Variants in ST6GAL2 observed in about 807,000 individuals in gnomAD.
ST6GAL2 encodes beta-galactoside alpha-2,6-sialyltransferase 2.
Under a neutral mutation model 37.5 loss-of-function variants are expected in ST6GAL2, and 24 were observed. The observed-to-expected ratio is 0.64, with a 90% CI of 0.46 to 0.90. The LOEUF (loss-of-function observed/expected upper bound fraction) is 0.90, where lower values mean the gene tolerates loss of function less well. ST6GAL2 is among the 40% of genes least tolerant of loss of function. ST6GAL2 has a pLI of 0.00. For synonymous variants in ST6GAL2, 306 were observed against 295.1 expected (o/e 1.04, Z -0.38); for missense variants, 715 against 712.7 (o/e 1.00, Z -0.04).
In ST6GAL2 at chr2:106,843,558, C is replaced by A. The variant is rs1677011933; in HGVS notation, c.420G>T (p.Trp140Cys). The A allele has an allele frequency of 6.2e-7, 1 of 1,613,980 alleles. No homozygotes were observed. The change falls in exon 2 of 6, where the codon TGG becomes TGT. Residue 140 changes from tryptophan (W) to cysteine (C), a missense_variant. This residue lies in a region of ST6GAL2 where 512 missense variants were observed against 488.8 expected (regional missense o/e 1.05). Transcript: ENST00000409382. ...CCAATGTCCCCTGAGTGTGGCTGTG[C>A]CACCCTGGCTGACCAGCAGCAAAAA... ...DYFFAAGQPG[W>C]HSHTQGTLGF...
chr2:106,845,917 G>A (rs1262527882), intron 1 of ST6GAL2, among the ~76,000 whole-genome samples: 4 of 152,108 alleles, frequency 2.6e-5, no homozygotes, highest in Non-Finnish European at 5.9e-5. Context: ...CATTCACTCT[G>A]GGGGAAGCCA....
chr2:106,825,358 A>G lies in ST6GAL2; in HGVS notation c.1318+4708T>C, dbSNP rs80199988. Among the ~76,000 whole-genome samples, 955 of 152,340 alleles carry G rather than the reference A, an allele frequency of 6.3e-3. 5 individuals are homozygous for G. Among genetic ancestry groups the G allele is most frequent in the African/African-American group, 0.022 (928 of 41,586 alleles). On this transcript the variant is annotated intron_variant, in intron 5 of 5. Transcript: ENST00000409382. The stretch of plus-strand genomic sequence containing the variant: ...TTGTGCTCAGCTATGCAAGTGAGTC[A>G]TCTTGGAAACACATTATCCAGCCTG...
Position 106,844,029 on chromosome 2 carries a change from ATG to A in ST6GAL2, c.-54_-53del. ...TGTCTTAATGCAGATGGGTGGCAGA[ATG>A]AACCTGAAAAACAGCCAGATGGCAG... On this transcript the variant is annotated 5_prime_UTR_variant, in exon 2 of 6. Transcript: ENST00000409382. The A allele has an allele frequency of 6.8e-7, 1 of 1,460,064 alleles. No homozygotes were observed. Among genetic ancestry groups the A allele is most frequent in the Admixed American group, 2.1e-5 (1 of 46,930 alleles). The allele number at this position is 1,460,064 out of a possible 1,614,324, so 90.4% of individuals were successfully genotyped here.
chr2:106,853,061 A>T (rs1446413770), intron 1 of ST6GAL2, among the ~76,000 whole-genome samples: 2 of 152,166 alleles, frequency 1.3e-5, no homozygotes, highest in Non-Finnish European at 2.9e-5. Context: ...AGCCAGAAAA[A>T]ATTGCTGGGG....
At chr2:106,887,072 G>C (rs1233145152), upstream of ST6GAL2, 1 of 152,484 alleles carries the variant, frequency 6.6e-6, no homozygotes, top group Non-Finnish European at 1.5e-5. Context: ...GGCTGTGGGC[G>C]GCCAGGAGGG....
chr2:106,815,018 T>A (rs965184681), intron 5 of ST6GAL2, among the ~76,000 whole-genome samples: 1 of 152,210 alleles, frequency 6.6e-6, no homozygotes, highest in African/African-American at 2.4e-5. Flanking sequence ...TTACCCTGAT[T>A]CATGTTACAT....
Position 106,884,934 on chromosome 2 carries a change from T to TATACAC in ST6GAL2, c.-58+1158_-58+1159insGTGTAT, listed in dbSNP as rs1425070594. ...ATATATATATATATATATATATATA[T>TATACAC]ACATACACACACACACATATATACA... On this transcript the variant is annotated intron_variant, in intron 1 of 5. Coordinates refer to ENST00000409382, the MANE Select transcript of ST6GAL2 (RefSeq NM_001142351.2). Among the ~76,000 whole-genome samples, 77 of 120,456 alleles carry TATACAC rather than the reference T, an allele frequency of 6.4e-4. 1 individual carries two copies. Among genetic ancestry groups the TATACAC allele is most frequent in the African/African-American group, 2.3e-3 (66 of 28,158 alleles). The allele number at this position is 120,456 out of a possible 152,430, so 79.0% of individuals were successfully genotyped here.
chr2:106,837,730 ATTAT>A (rs1676706336), intron 2 of ST6GAL2, among the ~76,000 whole-genome samples: 1 of 152,198 alleles, frequency 6.6e-6, no homozygotes. Context: ...GTGCATTTCT[ATTAT>A]TTGACTAATA....
At chr2:106,857,566 T>C (rs1677626851) in intron 1 of ST6GAL2, among the ~76,000 whole-genome samples, 1 of 152,150 alleles carries the variant, frequency 6.6e-6, no homozygotes, top group African/African-American at 2.4e-5. Context: ...ATTGTGCCAC[T>C]GCACTCCAGC....
chr2:106,860,756 A>G (rs1677766340), intron 1 of ST6GAL2, among the ~76,000 whole-genome samples: 1 of 152,188 alleles, frequency 6.6e-6, no homozygotes, highest in Admixed American at 6.5e-5. Flanking sequence ...ATAAGGTGCA[A>G]TGGGCTTCAG....
intron 1 of ST6GAL2, among the ~76,000 whole-genome samples, chr2:106,867,871 T>A (rs904931009): frequency 6.6e-6 from 1 of 152,106 alleles, no homozygotes; most frequent in African/African-American, 2.4e-5. Context: ...TCCAGGACTT[T>A]CTTTCTTTTC....
At chr2:106,854,844 C>G (rs944980629) in intron 1 of ST6GAL2, among the ~76,000 whole-genome samples, 3 of 151,018 alleles carry the variant, frequency 2.0e-5, no homozygotes, top group Admixed American at 1.3e-4. Flanking sequence ...GAAGTATTCT[C>G]TCATGTTTTC....
intron 1 of ST6GAL2, among the ~76,000 whole-genome samples, chr2:106,845,495 A>G (rs997709215): frequency 2.6e-5 from 4 of 152,176 alleles, no homozygotes; most frequent in African/African-American, 7.2e-5. Flanking sequence ...TGCCAGGGGA[A>G]ATGTGTGACC....
chr2:106,886,899 G>C (rs572358726), upstream of ST6GAL2: 3 of 152,426 alleles, frequency 2.0e-5, no homozygotes, highest in Admixed American at 6.5e-5. Context: ...GGCGGTGCGG[G>C]GCAGCACGGC....
chr2:106,880,681 C>T (rs1678713492), intron 1 of ST6GAL2, among the ~76,000 whole-genome samples: 1 of 152,154 alleles, frequency 6.6e-6, no homozygotes, highest in Non-Finnish European at 1.5e-5. Flanking sequence ...TCTCACAAGC[C>T]ATGTAATTTG....
intron 1 of ST6GAL2, among the ~76,000 whole-genome samples, chr2:106,880,058 AT>A (rs1678685453): frequency 6.6e-6 from 1 of 151,032 alleles, no homozygotes; most frequent in Non-Finnish European, 1.5e-5. Flanking sequence ...TAGACCAATT[AT>A]ATACATATCT....
At chr2:106,808,520 T>C (rs2104411346) in intron 5 of ST6GAL2, among the ~76,000 whole-genome samples, 1 of 152,282 alleles carries the variant, frequency 6.6e-6, no homozygotes, top group Middle Eastern at 3.4e-3. Context: ...CTCTACCAGT[T>C]TCCTTCCTTC....
chr2:106,852,014 C>T (rs1017915393), intron 1 of ST6GAL2, among the ~76,000 whole-genome samples: 1 of 152,128 alleles, frequency 6.6e-6, no homozygotes, highest in Non-Finnish European at 1.5e-5. Context: ...CTCTTAACAC[C>T]CTTATTGGCA....
chr2:106,855,017 G>T (rs1307493123), intron 1 of ST6GAL2, among the ~76,000 whole-genome samples: 1 of 151,566 alleles, frequency 6.6e-6, no homozygotes, highest in Non-Finnish European at 1.5e-5. Flanking sequence ...TCTTCTAATG[G>T]GTTCACTGTG....
Sources: gnomAD v4.1 joint callset for allele counts (sites outside exome capture counted in the v4.1 genomes callset) on GRCh38, gnomAD v4.1.1 for gene constraint, gnomAD v4.1.1 regional missense constraint, MANE v1.5 for transcripts, NCBI Gene and HGNC (gene_info 2026-07-23, HGNC 2026-07-21) for gene names.